Variants in XPO1 observed in about 807,000 individuals in gnomAD.
XPO1 encodes the protein exportin-1.
XPO1 carries 5 observed loss-of-function variants against 133.3 expected under a neutral mutation model. That is an observed-to-expected ratio of 0.04 (90% CI 0.02 to 0.08). XPO1 has a LOEUF of 0.08. XPO1 is among the 10% of genes least tolerant of loss of function. The pLI is 1.00. For synonymous variants in XPO1, 419 were observed against 408.2 expected (o/e 1.03, Z -0.32); for missense variants, 506 against 1,267.5 (o/e 0.40, Z 9.12).
In XPO1 at chr2:61,538,229, G is replaced by A; in HGVS notation, c.-674C>T. ...TGTAGCTCCCGCTGCTCCTGCCGCG[G>A]CCGCTGCAGCCGCTTCTCCCCCTCC... On this transcript the variant is annotated 5_prime_UTR_variant, in exon 1 of 25. Transcript: ENST00000401558. The A allele has an allele frequency of 5.9e-6, 1 of 170,638 alleles. No individual in the cohort carries two copies. Among genetic ancestry groups the A allele is most frequent in the East Asian group, 1.5e-4 (1 of 6,744 alleles). The allele number at this position is 170,638 out of a possible 1,614,324, so 10.6% of individuals were successfully genotyped here.
rs1341816167 is a variant in XPO1 at position 61,498,654 on chromosome 2, T to C, written c.759+19A>G. ...ATGTGGCTATCCGGTGACAAATAAC[T>C]GAAATGTATTCACTGTACCTTATAA... On this transcript the variant is annotated intron_variant, in intron 9 of 24. Coordinates refer to ENST00000401558, the MANE Select transcript of XPO1 (RefSeq NM_003400.4). The C allele has an allele frequency of 3.1e-6, 5 of 1,610,970 alleles. No homozygotes were observed. The Admixed American group carries it at 5.1e-5, about 16-fold the overall frequency.
intron 10 of XPO1, among the ~76,000 whole-genome samples, chr2:61,496,086 C>T (rs1310937092): frequency 6.6e-6 from 1 of 152,140 alleles, no homozygotes; most frequent in Non-Finnish European, 1.5e-5. Context: ...GATTTTGACT[C>T]TTCTCAAATA....
chr2:61,497,796 T>C (rs1697314881), intron 9 of XPO1, among the ~76,000 whole-genome samples: 1 of 152,180 alleles, frequency 6.6e-6, no homozygotes, highest in Non-Finnish European at 1.5e-5. Flanking sequence ...AATAATCTGG[T>C]GATTAAACAT....
chr2:61,533,736 G>A, intron 2 of XPO1, 36 bp downstream of exon 2: 1 of 1,539,868 alleles, frequency 6.5e-7, no homozygotes, highest in Non-Finnish European at 8.7e-7. Flanking sequence ...CTGTTACACT[G>A]TCATAATGTT....
intron 4 of XPO1, among the ~76,000 whole-genome samples, chr2:61,515,335 A>G (rs1035216065): frequency 2.0e-5 from 3 of 152,230 alleles, no homozygotes; most frequent in African/African-American, 7.2e-5. Context: ...TCAATACTAC[A>G]GGAGATCTTC....
chr2:61,536,652 TC>T (rs1340253385), intron 1 of XPO1: 1 of 152,202 alleles, frequency 6.6e-6, no homozygotes, highest in Non-Finnish European at 1.5e-5. Context: ...TCCCCTCGCT[TC>T]CCACCCGAAC....
Position 61,491,496 on chromosome 2 carries a change from A to ACACACACACC in XPO1, c.1887+538_1887+539insGGTGTGTGTG, listed in dbSNP as rs1491477036. Reference sequence around the variant, plus strand: ...CACACACACACACACACACACACACACCCCAAAACAAAACAAAACAAAAAA... The same window carrying ACACACACACC: ...CACACACACACACACACACACACACACACACACACCCCCCAAAACAAAACAAAACAAAAAA... On this transcript the variant is annotated intron_variant, in intron 16 of 24. Transcript: ENST00000401558. Among the ~76,000 whole-genome samples, 155 of 147,346 alleles carry ACACACACACC rather than the reference A, an allele frequency of 1.1e-3. 1 individual carries two copies. Among genetic ancestry groups the ACACACACACC allele is most frequent in the African/African-American group, 2.7e-3 (106 of 39,144 alleles).
chr2:61,480,639 A>C (rs1275083904), intron 24 of XPO1: 3 of 152,180 alleles, frequency 2.0e-5, no homozygotes, highest in Admixed American at 6.5e-5. Flanking sequence ...AAAAAAAAAA[A>C]ACCTTTGTAT....
rs527924109 is a variant in XPO1 at position 61,481,328 on chromosome 2, GA to G, written c.2973-48del. 4.8e-5 allele frequency: 70 copies of G among 1,463,902 alleles called. 1 individual carries two copies. The South Asian group carries it at 8.2e-4, about 17-fold the overall frequency. The allele number at this position is 1,463,902 out of a possible 1,614,324, so 90.7% of individuals were successfully genotyped here. On this transcript the variant is annotated intron_variant, in intron 23 of 24. Transcript: ENST00000401558. Reference sequence around the variant, plus strand: ...TTAAATAATGATTTATTTTTCCCCCGAGACAGAGTATTGCTCTGTCACCAGG... The same window carrying G: ...TTAAATAATGATTTATTTTTCCCCCGGACAGAGTATTGCTCTGTCACCAGG...
At chr2:61,488,054 C>A (rs2104379014) in intron 19 of XPO1, 111 bp downstream of exon 19, 2 of 892,962 alleles carry the variant, frequency 2.2e-6, no homozygotes, top group East Asian at 4.9e-5. Flanking sequence ...CATAAAATAA[C>A]CACAAAGTTG....
At chr2:61,503,768 T>C (rs1312199152) in intron 4 of XPO1, among the ~76,000 whole-genome samples, 3 of 151,500 alleles carry the variant, frequency 2.0e-5, no homozygotes, top group African/African-American at 7.3e-5. Flanking sequence ...GTTTTCACCA[T>C]GTTGGCTAGG....
Position 61,478,368 on chromosome 2 carries a change from C to A in XPO1, c.*452G>T. The stretch of plus-strand genomic sequence containing the variant: ...CAAGAGGTGCTAACTTCAGACAATG[C>A]AGCACTATAATCCTTTAAACAACGC... On this transcript the variant is annotated 3_prime_UTR_variant, in exon 25 of 25. Coordinates refer to ENST00000401558, the MANE Select transcript of XPO1 (RefSeq NM_003400.4). 1 of 242,450 alleles carries A rather than the reference C, an allele frequency of 4.1e-6. No homozygotes were observed. The highest frequency in any genetic ancestry group is 8.0e-6 in the Non-Finnish European group (1 of 124,260). 15.0% of individuals were successfully genotyped at this position (242,450 alleles called of 1,614,324 possible).
intron 4 of XPO1, among the ~76,000 whole-genome samples, chr2:61,508,936 C>G (rs1284390090): frequency 6.6e-6 from 1 of 152,180 alleles, no homozygotes; most frequent in African/African-American, 2.4e-5. Context: ...TCCTCCCCAG[C>G]AGCTAATTTT....
chr2:61,535,144 A>G (rs1699305410), intron 1 of XPO1, among the ~76,000 whole-genome samples: 1 of 152,242 alleles, frequency 6.6e-6, no homozygotes. Context: ...GCACACATCC[A>G]CTTTTTTGTT....
Position 61,485,858 on chromosome 2 carries a change from T to C in XPO1, c.2418A>G (p.Ile806Met), listed in dbSNP as rs1197531120. The change falls in exon 20 of 25, where the codon ATA becomes ATG. Residue 806 changes from isoleucine (I) to methionine (M), a missense_variant. Physicochemically the swap from Ile to Met is conservative, Grantham distance 10 (BLOSUM62 1). This residue lies in a region of XPO1 where 203 missense variants were observed against 365.9 expected (regional missense o/e 0.55). Coordinates refer to ENST00000401558, the MANE Select transcript of XPO1 (RefSeq NM_003400.4). ...REPEVLSTMA[I>M]IVNKLGGHIT... ...TATGTCCCCCTAACTTGTTGACAAT[T>C]ATGGCCATAGTACTAAGCACTTCTG... 2 of 1,614,116 alleles carry C rather than the reference T, an allele frequency of 1.2e-6. No individual in the cohort carries two copies. Among genetic ancestry groups the C allele is most frequent in the Admixed American group, 3.3e-5 (2 of 60,020 alleles).
rs781424037 is a variant in XPO1, at chr2:61,492,873, T to A, written c.1384+42A>T. Reference sequence around the variant, plus strand: ...CCTAAAATGTATTTCCACCCCAGAATAGATTTATAAAGGTAAAGATTAACA... The same window carrying A: ...CCTAAAATGTATTTCCACCCCAGAAAAGATTTATAAAGGTAAAGATTAACA... On this transcript the variant is annotated intron_variant, in intron 13 of 24. Transcript: ENST00000401558. This position sits in a 1 kb window ranked among gnomAD's most constrained non-coding sequence, Gnocchi z 5.6. The A allele has an allele frequency of 4.5e-6, 7 of 1,571,062 alleles. No individual in the cohort carries two copies. In the Admixed American group the frequency reaches 5.7e-5, roughly 13 times the overall value.
At chr2:61,526,258 T>C in intron 3 of XPO1, 162 bp downstream of exon 3, 1 of 1,429,602 alleles carries the variant, frequency 7.0e-7, no homozygotes, top group Non-Finnish European at 9.1e-7. Flanking sequence ...CTTAGGACTA[T>C]TTGCAAGAAT....
At chr2:61,515,352 A>G (rs1698318291) in intron 4 of XPO1, among the ~76,000 whole-genome samples, 1 of 152,222 alleles carries the variant, frequency 6.6e-6, no homozygotes, top group Non-Finnish European at 1.5e-5. Flanking sequence ...CTTCAGCAGA[A>G]GTGACCCTAT....
In XPO1 at chr2:61,495,524, G is replaced by A. The variant is rs747809117; in HGVS notation, c.978C>T (p.Leu326=). 8 of 1,595,034 alleles carry A rather than the reference G, an allele frequency of 5.0e-6. No homozygotes were observed. Among genetic ancestry groups the A allele is most frequent in the Middle Eastern group, 3.4e-4 (2 of 5,946 alleles). ...GATCATGTTCCTTAAGAAAGGTGCA[G>A]AGAAACAAACTGAGATTTTGAATGA... ...QNFIQNLSLF[L]CTFLKEHDQL... The change falls in exon 11 of 25, where the codon CTC becomes CTT. Residue 326 remains leucine (L), a synonymous_variant. Coordinates refer to ENST00000401558, the MANE Select transcript of XPO1 (RefSeq NM_003400.4).
Sources: gnomAD v4.1 joint callset for allele counts (sites outside exome capture counted in the v4.1 genomes callset) on GRCh38, gnomAD v4.1.1 for gene constraint, gnomAD v4.1.1 regional missense constraint, Gnocchi (gnomAD v3.1) non-coding constraint, MANE v1.5 for transcripts, NCBI Gene and HGNC (gene_info 2026-07-23, HGNC 2026-07-21) for gene names.